The following RAB38 variants were observed in gnomAD, a reference collection of about 807,000 sequenced individuals.
RAB38 encodes ras-related protein Rab-38.
In RAB38, 15 loss-of-function variants were observed where a neutral mutation model predicts 18.4. The observed-to-expected ratio is 0.82, with a 90% CI of 0.55 to 1.26. RAB38 has a LOEUF of 1.26. Ranked by LOEUF, RAB38 falls within the 50% of genes most tolerant of loss-of-function variation. The probability of loss-of-function intolerance (pLI) is 0.00; values close to 1 mark genes in which losing one functional copy is unlikely to be tolerated. For synonymous variants in RAB38, 101 were observed against 104.4 expected (o/e 0.97, Z 0.20); for missense variants, 294 against 267.4 (o/e 1.10, Z -0.69).
chr11:87,935,664 T>C, the RAB38 span, among the ~76,000 whole-genome samples: 3 of 152,098 alleles, frequency 2.0e-5, no homozygotes, highest in Non-Finnish European at 4.4e-5. Flanking sequence ...TACAATACAA[T>C]CAAGATGTTG....
the RAB38 span, among the ~76,000 whole-genome samples, chr11:87,849,712 G>T: frequency 1.3e-5 from 2 of 152,044 alleles, no homozygotes; most frequent in Admixed American, 1.3e-4. Flanking sequence ...TCATTGTTTT[G>T]CCATCTTTTC....
intron 1 of RAB38, chr11:88,166,908 A>C (rs1943252254): frequency 6.6e-6 from 1 of 152,186 alleles, no homozygotes; most frequent in Non-Finnish European, 1.5e-5. Context: ...TAGATCAATG[A>C]TATGTCTTAG....
the RAB38 span, among the ~76,000 whole-genome samples, chr11:88,013,537 T>C: frequency 1.3e-5 from 2 of 152,302 alleles, no homozygotes; most frequent in South Asian, 2.1e-4. Context: ...GATTTTGTTC[T>C]AGCTGATTCA....
chr11:88,056,295 G>A, the RAB38 span, among the ~76,000 whole-genome samples: 84 of 152,296 alleles, frequency 5.5e-4, no homozygotes, highest in Non-Finnish European at 6.8e-4. Flanking sequence ...ATATGGGAAT[G>A]GAAGAAGATG....
chr11:88,084,596 G>C, the RAB38 span, among the ~76,000 whole-genome samples: 3 of 151,832 alleles, frequency 2.0e-5, no homozygotes, highest in African/African-American at 7.2e-5. Context: ...ATAAGTGACT[G>C]TTTACCCTTC....
At chr11:87,886,824 GTTT>G in the RAB38 span, among the ~76,000 whole-genome samples, 1 of 139,024 alleles carries the variant, frequency 7.2e-6, no homozygotes. Context: ...TGAAGCACTT[GTTT>G]TTTTTTTTTT....
chr11:88,095,888 G>A, the RAB38 span, among the ~76,000 whole-genome samples: 6 of 151,882 alleles, frequency 4.0e-5, no homozygotes, highest in African/African-American at 1.4e-4. Context: ...TCAGGAAATC[G>A]CTTTGGTTCT....
chr11:88,142,864 C>T (rs531584418), intron 2 of RAB38, among the ~76,000 whole-genome samples: 6 of 152,336 alleles, frequency 3.9e-5, no homozygotes, highest in African/African-American at 1.4e-4. Context: ...ATCCAACTCA[C>T]CCAACAATTC....
the RAB38 span, among the ~76,000 whole-genome samples, chr11:87,873,009 T>A: frequency 6.6e-6 from 1 of 151,542 alleles, no homozygotes; most frequent in Non-Finnish European, 1.5e-5. Flanking sequence ...AAAAATATGA[T>A]TAGTTTTGTA....
At chr11:87,961,466 G>A in the RAB38 span, among the ~76,000 whole-genome samples, 4 of 152,226 alleles carry the variant, frequency 2.6e-5, no homozygotes, top group Admixed American at 1.3e-4. Flanking sequence ...GCCAGCCATG[G>A]CATTCTGCAT....
the RAB38 span, among the ~76,000 whole-genome samples, chr11:87,977,563 A>C: frequency 8.4e-6 from 1 of 118,490 alleles, no homozygotes; most frequent in Non-Finnish European, 1.6e-5. Flanking sequence ...TAATTATATA[A>C]TATACTTATG....
intron 2 of RAB38, among the ~76,000 whole-genome samples, chr11:88,129,540 C>T (rs1422388220): frequency 6.6e-6 from 1 of 152,068 alleles, no homozygotes; most frequent in Non-Finnish European, 1.5e-5. Context: ...ATTCGGGAGG[C>T]TGAGGCACAA....
At chr11:87,829,910 T>G in the RAB38 span, among the ~76,000 whole-genome samples, 68 of 152,236 alleles carry the variant, frequency 4.5e-4, no homozygotes, top group African/African-American at 1.5e-3. Context: ...ACCTAATGAT[T>G]GCGAATTTCT....
the RAB38 span, among the ~76,000 whole-genome samples, chr11:88,015,974 C>T: frequency 1.3e-5 from 2 of 152,122 alleles, no homozygotes; most frequent in Admixed American, 1.3e-4. Flanking sequence ...TATCCACCAC[C>T]TCCCAATGGG....
chr11:88,004,364 AT>A, the RAB38 span, among the ~76,000 whole-genome samples: 1 of 151,204 alleles, frequency 6.6e-6, no homozygotes, highest in African/African-American at 2.4e-5. Context: ...ATTTACCACA[AT>A]AACAAAATCA....
chr11:87,875,072 TAGAC>T, the RAB38 span, among the ~76,000 whole-genome samples: 1 of 151,598 alleles, frequency 6.6e-6, no homozygotes, highest in Non-Finnish European at 1.5e-5. Context: ...AAGTTTCAGA[TAGAC>T]AGGAGGAATA....
At chr11:87,818,876 G>T in the RAB38 span, among the ~76,000 whole-genome samples, 1 of 152,032 alleles carries the variant, frequency 6.6e-6, no homozygotes, top group East Asian at 1.9e-4. Flanking sequence ...GACCCATCAA[G>T]AATTAACTTC....
chr11:87,956,911 G>T, the RAB38 span, among the ~76,000 whole-genome samples: 3 of 151,460 alleles, frequency 2.0e-5, no homozygotes, highest in Non-Finnish European at 4.4e-5. Flanking sequence ...GTTTCACCCT[G>T]TTTTTTGTAC....
intron 1 of RAB38, among the ~76,000 whole-genome samples, chr11:88,163,546 A>G (rs1163208004): frequency 2.0e-5 from 3 of 152,120 alleles, no homozygotes; most frequent in African/African-American, 7.2e-5. Context: ...CATCTCTTAA[A>G]GGCAAATTTT....
Sources: gnomAD v4.1 joint callset for allele counts (sites outside exome capture counted in the v4.1 genomes callset) on GRCh38, gnomAD v4.1.1 for gene constraint, MANE v1.5 for transcripts, NCBI Gene and HGNC (gene_info 2026-07-23, HGNC 2026-07-21) for gene names.